The following ERG variants were observed in gnomAD, a reference collection of about 807,000 sequenced individuals.
ERG encodes transcriptional regulator ERG.
In ERG, 9 loss-of-function variants were observed where a neutral mutation model predicts 55.3. That is an observed-to-expected ratio of 0.16 (90% CI 0.10 to 0.28). The LOEUF is 0.28. ERG is among the 10% of genes least tolerant of loss of function. The pLI is 1.00. For synonymous variants in ERG, 223 were observed against 237.3 expected (o/e 0.94, Z 0.55); for missense variants, 434 against 631.6 (o/e 0.69, Z 3.35).
At chr21:38,538,383 TA>T (rs987811950) in intron 2 of ERG, among the ~76,000 whole-genome samples, 8 of 147,714 alleles carry the variant, frequency 5.4e-5, no homozygotes, top group South Asian at 2.1e-4. Flanking sequence ...TTCTTCTCAT[TA>T]AAAAAAAAAG....
In ERG at chr21:38,406,154, C is replaced by CAAAAAAAAAA. The variant is rs56711562; in HGVS notation, c.389-2455_389-2446dup. Among the ~76,000 whole-genome samples the CAAAAAAAAAA allele has an allele frequency of 5.6e-4, 53 of 95,020 alleles. 6 individuals are homozygous for CAAAAAAAAAA. Among genetic ancestry groups the CAAAAAAAAAA allele is most frequent in the East Asian group, 1.8e-3 (5 of 2,842 alleles). The allele number at this position is 95,020 out of a possible 152,430, so 62.3% of individuals were successfully genotyped here. A position where few individuals can be genotyped will look rare whatever the true frequency, so the allele number is the denominator to read the frequency against. ...TGAGCGACAGAGCGAGACTCCATCT[C>CAAAAAAAAAA]AAAAAAAAAAAAAAAAAAAAATCAT... is the stretch of plus-strand genomic sequence containing the variant. On this transcript the variant is annotated intron_variant, in intron 3 of 9. Transcript: ENST00000288319.
At chr21:38,527,494 G>A (rs770085084) in intron 2 of ERG, among the ~76,000 whole-genome samples, 1 of 152,170 alleles carries the variant, frequency 6.6e-6, no homozygotes, top group Non-Finnish European at 1.5e-5. Context: ...AATGATTCCT[G>A]AGCGGATCAA....
At chr21:38,523,873 T>A (rs1412651017) in intron 2 of ERG, among the ~76,000 whole-genome samples, 2 of 152,192 alleles carry the variant, frequency 1.3e-5, no homozygotes, top group Non-Finnish European at 2.9e-5. Flanking sequence ...TCCATCCATC[T>A]CAGAATACAT....
intron 1 of ERG, among the ~76,000 whole-genome samples, chr21:38,657,315 C>T (rs772580336): frequency 3.9e-5 from 6 of 152,174 alleles, no homozygotes; most frequent in Non-Finnish European, 5.9e-5. Flanking sequence ...GTTTCTCATA[C>T]GCAATCAGGG....
intron 2 of ERG, among the ~76,000 whole-genome samples, chr21:38,445,138 CTTTTTTTT>C (rs77891753): frequency 3.7e-5 from 5 of 136,664 alleles, no homozygotes; most frequent in African/African-American, 5.5e-5. Flanking sequence ...CTTTCTTCTT[CTTTTTTTT>C]TTTTTTTTTT....
At chr21:38,416,337 C>A (rs1050703615) in intron 3 of ERG, among the ~76,000 whole-genome samples, 3 of 152,214 alleles carry the variant, frequency 2.0e-5, no homozygotes, top group Non-Finnish European at 1.5e-5. Flanking sequence ...AAAAGGGATC[C>A]TTCTTTTAGG....
intron 2 of ERG, among the ~76,000 whole-genome samples, chr21:38,438,927 G>A (rs1027882429): frequency 6.6e-6 from 1 of 152,216 alleles, no homozygotes; most frequent in Admixed American, 6.5e-5. Context: ...CGATTCTAGG[G>A]CAGGGCCTAA....
intron 2 of ERG, among the ~76,000 whole-genome samples, chr21:38,504,485 A>G (rs1191736721): frequency 1.9e-4 from 29 of 152,348 alleles, no homozygotes; most frequent in Non-Finnish European, 2.9e-5. Context: ...TGTCACCATT[A>G]TTTAGCTTAA....
In ERG at chr21:38,442,869, G is replaced by A. The variant is rs1015754617; in HGVS notation, c.236+2535C>T. On this transcript the variant is annotated intron_variant, in intron 2 of 9. Coordinates refer to ENST00000288319, the MANE Select transcript of ERG (RefSeq NM_182918.4). ...GTCGCCCAGGCTGGAGTGCAGTGGCGCGATCTCGGCTCACTGCAAGCTCCG... is the reference window on the plus strand; with the variant it reads ...GTCGCCCAGGCTGGAGTGCAGTGGCACGATCTCGGCTCACTGCAAGCTCCG... 5.3e-5 allele frequency among the ~76,000 whole-genome samples: 8 copies of A among 152,132 alleles called. No individual in the cohort carries two copies. In the South Asian group the frequency reaches 6.2e-4, roughly 12 times the overall value.
At chr21:38,468,336 C>G (rs1478493261) in intron 1 of ERG, among the ~76,000 whole-genome samples, 1 of 152,176 alleles carries the variant, frequency 6.6e-6, no homozygotes, top group African/African-American at 2.4e-5. Flanking sequence ...ATATGTATTT[C>G]TCTGAATATA....
intron 2 of ERG, among the ~76,000 whole-genome samples, chr21:38,552,173 A>G (rs2059828609): frequency 6.6e-6 from 1 of 151,810 alleles, no homozygotes; most frequent in South Asian, 2.1e-4. Flanking sequence ...ACGAATTACA[A>G]AATTAAATCA....
At chr21:38,568,366 C>T (rs117013656) in intron 2 of ERG, among the ~76,000 whole-genome samples, 1,963 of 152,304 alleles carry the variant, frequency 0.013, 19 homozygotes, top group Middle Eastern at 0.027. Flanking sequence ...GCTCTAAACT[C>T]ATTAGCTAAT....
At chr21:38,541,411 A>G (rs986973864) in intron 2 of ERG, among the ~76,000 whole-genome samples, 1 of 152,196 alleles carries the variant, frequency 6.6e-6, no homozygotes, top group Admixed American at 6.5e-5. Flanking sequence ...TTCACCTTGC[A>G]TTATTATAAT....
At chr21:38,550,079 C>T (rs2059814398) in intron 2 of ERG, among the ~76,000 whole-genome samples, 1 of 152,176 alleles carries the variant, frequency 6.6e-6, no homozygotes, top group Admixed American at 6.5e-5. Context: ...CCAAGGTGAC[C>T]ACTCCAAAAG....
chr21:38,396,384 A>G (rs1008653279), intron 6 of ERG, among the ~76,000 whole-genome samples: 2 of 152,246 alleles, frequency 1.3e-5, no homozygotes, highest in Non-Finnish European at 2.9e-5. Context: ...CAGGCTTTAC[A>G]TAACACCTAA....
chr21:38,530,830 G>A (rs140293427), intron 2 of ERG, among the ~76,000 whole-genome samples: 4 of 152,258 alleles, frequency 2.6e-5, no homozygotes, highest in African/African-American at 7.2e-5. Flanking sequence ...AAGTCCCGTC[G>A]AGTCACAGGA....
chr21:38,499,831 G>C (rs775120755), upstream of ERG, among the ~76,000 whole-genome samples: 1 of 143,596 alleles, frequency 7.0e-6, no homozygotes, highest in East Asian at 2.2e-4. Flanking sequence ...AAGGAAGGAG[G>C]ATGGGAGGAA....
chr21:38,443,933 G>C (rs933294504), intron 2 of ERG, among the ~76,000 whole-genome samples: 7 of 152,184 alleles, frequency 4.6e-5, no homozygotes, highest in African/African-American at 1.7e-4. Context: ...CAGTGCGGTG[G>C]CAATATGTAG....
intron 2 of ERG, among the ~76,000 whole-genome samples, chr21:38,519,388 G>T (rs563283823): frequency 6.6e-6 from 1 of 152,194 alleles, no homozygotes; most frequent in Non-Finnish European, 1.5e-5. Flanking sequence ...TAGCAGTCAC[G>T]CAGCACCGGT....
Sources: allele counts gnomAD v4.1 joint callset (sites outside exome capture counted in the v4.1 genomes callset), GRCh38; gene constraint gnomAD v4.1.1; transcripts MANE v1.5; gene names NCBI Gene and HGNC (gene_info 2026-07-23, HGNC 2026-07-21).